The following DOCK8 variants were observed in gnomAD, a reference collection of about 807,000 sequenced individuals.
The protein encoded by DOCK8 is dedicator of cytokinesis 8, also known as dedicator of cytokinesis protein 8.
In DOCK8, 141 loss-of-function variants were observed where a neutral mutation model predicts 245.6. The ratio of observed to expected loss-of-function variants is 0.57; its 90% CI spans 0.50 to 0.66. The LOEUF is 0.66. Ranked by LOEUF, DOCK8 falls within the 30% of genes least tolerant of loss-of-function variation. DOCK8 has a pLI of 0.00. For synonymous variants in DOCK8, 1,168 were observed against 970.2 expected (o/e 1.20, Z -3.79); for missense variants, 2,965 against 2,603.4 (o/e 1.14, Z -3.02).
At chr9:214,415 T>C (rs560937228), upstream of DOCK8, 30 of 1,300,894 alleles carry the variant, frequency 2.3e-5, no homozygotes, top group Middle Eastern at 5.8e-4. Context: ...CTTGCAAAAG[T>C]TGATTTGAAT....
chr9:354,146 A>G (rs1320656529), intron 14 of DOCK8, among the ~76,000 whole-genome samples: 3 of 152,196 alleles, frequency 2.0e-5, no homozygotes, highest in African/African-American at 4.8e-5. Context: ...AGTCTGGACA[A>G]CTTGGCAAAA....
Position 441,335 on chromosome 9 carries a change from T to C in DOCK8, c.5273T>C (p.Ile1758Thr). Residue 1758 changes from isoleucine to threonine, a missense_variant, in exon 41 of 48, where the codon ATC becomes ACC. This residue lies in a region of DOCK8 where 2,825 missense variants were observed against 2,453.5 expected (regional missense o/e 1.15). Transcript: ENST00000432829. ...VNEVYKLVIPILEAHREFRKL... is the reference protein window; with the variant it reads ...VNEVYKLVIPTLEAHREFRKL... ...GAGGTCTACAAGCTGGTCATCCCCA[T>C]CCTAGAAGCGCATCGAGAATTCCGG... is the stretch of plus-strand genomic sequence containing the variant. 6.2e-7 allele frequency: 1 copy of C among 1,614,106 alleles called. No homozygotes were observed. Among genetic ancestry groups the C allele is most frequent in the Non-Finnish European group, 8.5e-7 (1 of 1,180,020 alleles).
rs529391481 is a variant in DOCK8, at chr9:367,606, T to G, written c.1680-412T>G. 3.9e-5 allele frequency among the ~76,000 whole-genome samples: 6 copies of G among 152,288 alleles called. No homozygotes were observed. In the East Asian group the frequency reaches 1.2e-3, roughly 29 times the overall value. ...TGCCATGCCAGTAAGAAAAGGAAAC[T>G]ATTACATAAAGATTAGGAAGAAAAA... is the stretch of plus-strand genomic sequence containing the variant. On this transcript the variant is annotated intron_variant, in intron 14 of 47. Coordinates refer to ENST00000432829, the MANE Select transcript of DOCK8 (RefSeq NM_203447.4).
At chr9:369,805 C>CTT in intron 15 of DOCK8, 9 of 232,456 alleles carry the variant, frequency 3.9e-5, no homozygotes, top group South Asian at 1.1e-4. Context: ...AGTCCCAGCA[C>CTT]TTTTTTTTTT....
Position 289,188 on chromosome 9 carries a change from T to C in DOCK8, c.333-322T>C, listed in dbSNP as rs572838372. Among the ~76,000 whole-genome samples the C allele has an allele frequency of 3.3e-5, 5 of 152,342 alleles. No individual in the cohort carries two copies. The South Asian group carries it at 1.0e-3, about 32-fold the overall frequency. On this transcript the variant is annotated intron_variant, in intron 3 of 47. Transcript: ENST00000432829. ...TGTCAGAGATAGGTATTTATACTTA[T>C]TTTCCTTGTTTTGTATTCGAATACA...
chr9:216,105 T>C (rs958962523), intron 1 of DOCK8, among the ~76,000 whole-genome samples: 1 of 152,214 alleles, frequency 6.6e-6, no homozygotes, highest in Non-Finnish European at 1.5e-5. Flanking sequence ...TTATTGACGA[T>C]TTTATTTCCA....
chr9:272,924 G>A, intron 2 of DOCK8: 3 of 473,994 alleles, frequency 6.3e-6, no homozygotes, highest in Non-Finnish European at 8.3e-6. Context: ...CAGCACAGCA[G>A]CACTCTTGCT....
At chr9:357,646 G>T (rs569282216) in intron 14 of DOCK8, among the ~76,000 whole-genome samples, 25 of 152,016 alleles carry the variant, frequency 1.6e-4, no homozygotes, top group Non-Finnish European at 3.1e-4. Context: ...AGAGGTCCCT[G>T]ATGTTCAGAG....
At chr9:372,066 A>G (rs2053310246) in intron 17 of DOCK8, 119 bp from the exon 18 acceptor site, 2 of 872,692 alleles carry the variant, frequency 2.3e-6, no homozygotes. Flanking sequence ...ACTGCCAAAA[A>G]GAGTACTGGT....
At chr9:350,904 T>G (rs989707031) in intron 14 of DOCK8, among the ~76,000 whole-genome samples, 1 of 152,152 alleles carries the variant, frequency 6.6e-6, no homozygotes, top group African/African-American at 2.4e-5. Flanking sequence ...GTTTGTAAAC[T>G]TCCTGAGGGT....
intron 18 of DOCK8, 46 bp downstream of exon 18, chr9:372,332 C>G: frequency 1.4e-6 from 2 of 1,445,144 alleles, no homozygotes; most frequent in South Asian, 2.3e-5. Context: ...CAGCTGTAGT[C>G]TTGGACCACC....
At chr9:214,703 A>T, upstream of DOCK8, 1 of 1,561,302 alleles carries the variant, frequency 6.4e-7, no homozygotes, top group Non-Finnish European at 8.7e-7. Flanking sequence ...CTGCCCCAGT[A>T]TCGGGAGGCC....
chr9:399,090 G>T (rs1554691167), intron 25 of DOCK8, 56 bp from the exon 26 acceptor site: 4 of 1,525,510 alleles, frequency 2.6e-6, no homozygotes, highest in Non-Finnish European at 3.6e-6. Flanking sequence ...CAGTGACCTG[G>T]AAGTTCAAAT....
intron 5 of DOCK8, among the ~76,000 whole-genome samples, chr9:307,117 C>A (rs1455042063): frequency 2.6e-5 from 4 of 152,092 alleles, no homozygotes; most frequent in Non-Finnish European, 5.9e-5. Context: ...CTCCTTGAAC[C>A]ATCCGGTAAC....
intron 25 of DOCK8, among the ~76,000 whole-genome samples, chr9:397,639 G>A (rs924479091): frequency 2.0e-5 from 3 of 152,114 alleles, no homozygotes; most frequent in East Asian, 1.9e-4. Context: ...GCAGTGAGCC[G>A]AGATGGTACC....
intron 28 of DOCK8, among the ~76,000 whole-genome samples, chr9:409,715 A>T (rs867840647): frequency 3.9e-5 from 6 of 152,040 alleles, no homozygotes; most frequent in South Asian, 4.2e-4. Context: ...ATATCTCCTA[A>T]TGCTGTCCCT....
chr9:425,420 T>C (rs1186174027), intron 33 of DOCK8, among the ~76,000 whole-genome samples: 1 of 151,520 alleles, frequency 6.6e-6, no homozygotes, highest in Non-Finnish European at 1.5e-5. Context: ...TAGTCCCAGC[T>C]ACTCGGGAGG....
chr9:213,694 T>C (rs1408896526), upstream of DOCK8: 1 of 151,162 alleles, frequency 6.6e-6, no homozygotes, highest in Non-Finnish European at 1.5e-5. Flanking sequence ...TCATATTAAA[T>C]AGTGCAGGTT....
Position 407,008 on chromosome 9 carries a change from C to G in DOCK8, c.3469C>G (p.His1157Asp). The G allele has an allele frequency of 6.2e-7, 1 of 1,614,164 alleles. No homozygotes were observed. Among genetic ancestry groups the G allele is most frequent in the Admixed American group, 1.7e-5 (1 of 60,018 alleles). ...FDLTSEYRQQ[H>D]FLTGLLFTEL... ...TCTGACTTCCGAGTACCGCCAGCAG[C>G]ACTTCCTCACCGGGCTCCTCTTCAC... Residue 1157 changes from histidine (H) to aspartate (D), a missense_variant, in exon 28 of 48, where the codon CAC becomes GAC. His to Asp is a moderately conservative substitution (Grantham distance 81, BLOSUM62 -1). Coordinates refer to ENST00000432829, the MANE Select transcript of DOCK8 (RefSeq NM_203447.4).
Sources: allele counts gnomAD v4.1 joint callset (sites outside exome capture counted in the v4.1 genomes callset), GRCh38; gene constraint gnomAD v4.1.1; regional missense constraint gnomAD v4.1.1; transcripts MANE v1.5; gene names NCBI Gene and HGNC (gene_info 2026-07-23, HGNC 2026-07-21).